ADAM9: variants seen among roughly 807,000 people sequenced by gnomAD.
ADAM9 encodes the protein disintegrin and metalloproteinase domain-containing protein 9.
In ADAM9, 54 loss-of-function variants were observed where a neutral mutation model predicts 108.1. The ratio of observed to expected loss-of-function variants is 0.50; its 90% CI spans 0.40 to 0.63. The LOEUF (loss-of-function observed/expected upper bound fraction) is 0.63. Among genes scored for constraint, ADAM9 ranks in the 20% least tolerant of loss-of-function variants. The pLI is 0.00. For synonymous variants in ADAM9, 316 were observed against 336.0 expected (o/e 0.94, Z 0.65); for missense variants, 830 against 997.7 (o/e 0.83, Z 2.26).
At chr8:39,014,711 A>G in intron 4 of ADAM9, 1 of 566,586 alleles carries the variant, frequency 1.8e-6, no homozygotes, top group Non-Finnish European at 3.1e-6. Flanking sequence ...CTTTATTCCC[A>G]TTACATGTGT....
At chr8:39,042,615 G>A (rs1025869022) in intron 12 of ADAM9, among the ~76,000 whole-genome samples, 28 of 151,440 alleles carry the variant, frequency 1.8e-4, no homozygotes, top group Admixed American at 1.7e-3. Context: ...CCTTACACAC[G>A]TTTATTTCCC....
chr8:39,059,771 A>G (rs978407741), intron 14 of ADAM9, among the ~76,000 whole-genome samples: 3 of 152,302 alleles, frequency 2.0e-5, no homozygotes, highest in South Asian at 2.1e-4. Flanking sequence ...ACAGTCATCC[A>G]CTTTTGGTTC....
intron 16 of ADAM9, among the ~76,000 whole-genome samples, chr8:39,082,074 A>G (rs945506157): frequency 6.6e-6 from 1 of 152,162 alleles, no homozygotes; most frequent in African/African-American, 2.4e-5. Flanking sequence ...TGAACCATGT[A>G]AGATTATAAC....
intron 14 of ADAM9, among the ~76,000 whole-genome samples, chr8:39,062,468 T>C (rs925834075): frequency 3.9e-5 from 6 of 152,160 alleles, no homozygotes; most frequent in Non-Finnish European, 8.8e-5. Context: ...AAGCTGCCTA[T>C]CTTGCTTCTA....
At chr8:39,025,012 G>A (rs1836873053) in intron 9 of ADAM9, among the ~76,000 whole-genome samples, 1 of 152,148 alleles carries the variant, frequency 6.6e-6, no homozygotes, top group Non-Finnish European at 1.5e-5. Context: ...AGGGAAGAGA[G>A]GTCCAGGCGG....
At chr8:39,017,530 A>C (rs79862902) in intron 6 of ADAM9, 116 bp downstream of exon 6, 1 of 1,026,576 alleles carries the variant, frequency 9.7e-7, no homozygotes, top group East Asian at 2.6e-5. Context: ...AATTTTGCCA[A>C]ATATATGCCA....
intron 12 of ADAM9, among the ~76,000 whole-genome samples, chr8:39,049,605 A>G (rs1405559213): frequency 6.6e-6 from 1 of 151,654 alleles, no homozygotes; most frequent in Non-Finnish European, 1.5e-5. Context: ...CGCTTGGCTA[A>G]TTTTTGTATT....
Position 39,080,479 on chromosome 8 carries a change from C to T in ADAM9, c.1882-2162C>T, listed in dbSNP as rs533600902. ...TGGTGTGTGTACCTGGACTGATACACCTTGACCCAAACTGACATGCCGTTG... is the reference window on the plus strand; with the variant it reads ...TGGTGTGTGTACCTGGACTGATACATCTTGACCCAAACTGACATGCCGTTG... On this transcript the variant is annotated intron_variant, in intron 16 of 21. Transcript: ENST00000487273. Among the ~76,000 whole-genome samples the T allele has an allele frequency of 7.2e-5, 11 of 152,252 alleles. No homozygotes were observed. The East Asian group carries it at 2.1e-3, about 29-fold the overall frequency.
In ADAM9 at chr8:39,104,597, G is replaced by C. The variant is rs889156129; in HGVS notation, c.*897G>C. ...TTACAAAACCACTTGAGAATTTCATGAGCACTTTAAAATCTGAACTTTCAA... is the reference window on the plus strand; with the variant it reads ...TTACAAAACCACTTGAGAATTTCATCAGCACTTTAAAATCTGAACTTTCAA... On this transcript the variant is annotated 3_prime_UTR_variant, in exon 22 of 22. Coordinates refer to ENST00000487273, the MANE Select transcript of ADAM9 (RefSeq NM_003816.3). 8 of 417,852 alleles carry C rather than the reference G, an allele frequency of 1.9e-5. No homozygotes were observed. Among genetic ancestry groups the C allele is most frequent in the African/African-American group, 1.7e-4 (8 of 48,056 alleles). The allele number at this position is 417,852 out of a possible 1,614,324, so 25.9% of individuals were successfully genotyped here. A position where few individuals can be genotyped will look rare whatever the true frequency, so the allele number is the denominator to read the frequency against.
Position 39,082,692 on chromosome 8 carries a change from G to A in ADAM9, c.1933G>A (p.Asp645Asn). 1 of 1,611,518 alleles carries A rather than the reference G, an allele frequency of 6.2e-7. No homozygotes were observed. ...VDASVLNYDC[D>N]VQKKCHGHGV... is the part of the protein sequence containing the mutation. ...TGCTTCTGTTCTGAATTATGACTGT[G>A]ATGTTCAGAAAAAGTGTCATGGACA... Residue 645 changes from aspartate to asparagine, a missense_variant, in exon 17 of 22, where the codon GAT becomes AAT. Around this residue, in one of 3 missense-constraint regions of ADAM9, gnomAD observed 238 missense variants for 235.7 expected, o/e 1.01. Transcript: ENST00000487273.
At chr8:39,069,715 G>T (rs1838614562) in intron 14 of ADAM9, among the ~76,000 whole-genome samples, 1 of 151,998 alleles carries the variant, frequency 6.6e-6, no homozygotes, top group Non-Finnish European at 1.5e-5. Flanking sequence ...CATTGTTAAA[G>T]GAAAATAACT....
chr8:39,013,942 A>G (rs191016085), intron 3 of ADAM9, 23 bp from the exon 4 acceptor site: 210 of 1,569,466 alleles, frequency 1.3e-4, no homozygotes, highest in Non-Finnish European at 1.8e-4. Flanking sequence ...ATATATATAA[A>G]CGGTGTTTTA....
intron 15 of ADAM9, chr8:39,075,888 G>A (rs1183289134): frequency 1.3e-5 from 2 of 152,162 alleles, no homozygotes; most frequent in Non-Finnish European, 2.9e-5. Context: ...GAAAATGTAA[G>A]CACTTCTCTC....
chr8:38,997,293 TC>T, intron 1 of ADAM9, 133 bp downstream of exon 1: 1 of 1,064,226 alleles, frequency 9.4e-7, no homozygotes. Context: ...GCGCGGCCGC[TC>T]CAGGTGTGTG....
chr8:39,091,357 A>C lies in ADAM9; in HGVS notation c.2298+11A>C. 6.2e-7 allele frequency: 1 copy of C among 1,608,758 alleles called. No homozygotes were observed. The highest frequency in any genetic ancestry group is 8.5e-7 in the Non-Finnish European group (1 of 1,175,200). On this transcript the variant is annotated intron_variant, in intron 20 of 21. Coordinates refer to ENST00000487273, the MANE Select transcript of ADAM9 (RefSeq NM_003816.3). The stretch of plus-strand genomic sequence containing the variant: ...CCTCCCAGAGAAGTTGTAAGTATAA[A>C]ATGAAAAATTATTTTTCTTTACTGT...
intron 1 of ADAM9, among the ~76,000 whole-genome samples, chr8:39,006,048 A>T (rs1836150700): frequency 6.6e-6 from 1 of 152,228 alleles, no homozygotes; most frequent in Non-Finnish European, 1.5e-5. Context: ...GACTGTAGAT[A>T]GTGACAGTCT....
intron 1 of ADAM9, among the ~76,000 whole-genome samples, chr8:39,007,310 C>T (rs948866351): frequency 1.3e-5 from 2 of 152,222 alleles, no homozygotes; most frequent in African/African-American, 4.8e-5. Context: ...GGATCCACTT[C>T]AATGACCCCA....
chr8:39,038,001 A>G (rs1837339166), intron 11 of ADAM9, among the ~76,000 whole-genome samples: 1 of 152,140 alleles, frequency 6.6e-6, no homozygotes, highest in African/African-American at 2.4e-5. Context: ...CCTGGGAGTC[A>G]TTCTTGATTT....
chr8:39,022,095 T>A lies in ADAM9; in HGVS notation c.744+381T>A, dbSNP rs868185775. ...GTGTGTGTGTGTGTGTGTGTGTGTG[T>A]GTGAGAGAGAGAGAGAGAGAGAGAG... is the stretch of plus-strand genomic sequence containing the variant. On this transcript the variant is annotated intron_variant, in intron 8 of 21. Transcript: ENST00000487273. Among the ~76,000 whole-genome samples, 641 of 144,592 alleles carry A rather than the reference T, an allele frequency of 4.4e-3. 6 individuals carry two copies. The highest frequency in any genetic ancestry group is 0.017 in the African/African-American group (601 of 35,570). The allele number at this position is 144,592 out of a possible 152,430, so 94.9% of individuals were successfully genotyped here.
Sources: allele counts gnomAD v4.1 joint callset (sites outside exome capture counted in the v4.1 genomes callset), GRCh38; gene constraint gnomAD v4.1.1; regional missense constraint gnomAD v4.1.1; transcripts MANE v1.5; gene names NCBI Gene and HGNC (gene_info 2026-07-23, HGNC 2026-07-21).